Variants in TMC7 observed in about 807,000 individuals in gnomAD.
TMC7 encodes transmembrane channel-like protein 7.
A neutral mutation model predicts 82.9 loss-of-function variants in TMC7; 54 were observed. That is an observed-to-expected ratio of 0.65 (90% CI 0.52 to 0.82). The LOEUF is 0.82. Among genes scored for constraint, TMC7 ranks in the 40% least tolerant of loss-of-function variants. TMC7 has a pLI of 0.00. For synonymous variants in TMC7, 350 were observed against 337.9 expected, an observed-to-expected ratio of 1.04 and a Z score of -0.39; for missense variants, 820 against 901.2, an observed-to-expected ratio of 0.91 and a Z score of 1.15.
At chr16:19,008,049 A>G (rs2039272566) in intron 1 of TMC7, among the ~76,000 whole-genome samples, 1 of 152,198 alleles carries the variant, frequency 6.6e-6, no homozygotes. Flanking sequence ...TGGGGATCCA[A>G]ACTCAAGCAT....
chr16:18,992,963 T>G (rs188335973), intron 1 of TMC7, among the ~76,000 whole-genome samples: 1,564 of 152,240 alleles, frequency 0.01, 16 homozygotes, highest in Non-Finnish European at 0.015. Context: ...CTATATCTCT[T>G]TTTTGGTACC....
chr16:19,003,613 T>C (rs1172464441), intron 1 of TMC7, among the ~76,000 whole-genome samples: 1 of 143,994 alleles, frequency 6.9e-6, no homozygotes, highest in Non-Finnish European at 1.5e-5. Context: ...GGGAAAAGAT[T>C]GAGAAATCGG....
chr16:19,051,612 C>A, intron 12 of TMC7, 74 bp from the exon 13 acceptor site: 1 of 1,526,350 alleles, frequency 6.6e-7, no homozygotes, highest in Non-Finnish European at 9.0e-7. Flanking sequence ...CACTGTAATG[C>A]AGGAATGCAC....
At chr16:19,035,855 T>A in intron 7 of TMC7, 32 bp downstream of exon 7, 1 of 1,537,288 alleles carries the variant, frequency 6.5e-7, no homozygotes, top group South Asian at 1.3e-5. Context: ...CGTGGTGGGG[T>A]CCTCACCAGC....
intron 8 of TMC7, 34 bp from the exon 9 acceptor site, chr16:19,040,255 T>C: frequency 1.3e-6 from 2 of 1,594,066 alleles, no homozygotes; most frequent in Non-Finnish European, 1.7e-6. Flanking sequence ...CTTCCTCATA[T>C]ACTCCTGACT....
At chr16:19,024,555 T>C (rs1037631518) in intron 5 of TMC7, among the ~76,000 whole-genome samples, 1 of 152,218 alleles carries the variant, frequency 6.6e-6, no homozygotes, top group Non-Finnish European at 1.5e-5. Flanking sequence ...ATTCTTTTTT[T>C]TTATTTATTT....
At chr16:19,003,046 G>A (rs2039169173) in intron 1 of TMC7, among the ~76,000 whole-genome samples, 1 of 152,192 alleles carries the variant, frequency 6.6e-6, no homozygotes, top group Non-Finnish European at 1.5e-5. Flanking sequence ...GAAAGCCAGA[G>A]CAGGCCAAGG....
Position 19,023,114 on chromosome 16 carries a change from T to TAAACAATG in TMC7, c.631_638dup (p.Cys213Ter). On this transcript the variant is annotated frameshift_variant and splice_region_variant, in exon 5 of 16. Transcript: ENST00000304381. LOFTEE classifies it high-confidence loss of function. Reference sequence around the variant, plus strand: ...CATTCTGGTTTTTGTTTCTTACAGATAAACAATGTACAGTCTATCCAGTAA... The same window carrying TAAACAATG: ...CATTCTGGTTTTTGTTTCTTACAGATAAACAATGAAACAATGTACAGTCTATCCAGTAA... 1 of 1,592,478 alleles carries TAAACAATG rather than the reference T, an allele frequency of 6.3e-7. No homozygotes were observed. Among genetic ancestry groups the TAAACAATG allele is most frequent in the Non-Finnish European group, 8.6e-7 (1 of 1,164,902 alleles).
chr16:19,013,078 A>G (rs1959465468), intron 2 of TMC7, among the ~76,000 whole-genome samples: 2 of 151,298 alleles, frequency 1.3e-5, no homozygotes, highest in Non-Finnish European at 2.9e-5. Flanking sequence ...TGGCCTCCCA[A>G]AGTGCTGGGA....
intron 6 of TMC7, among the ~76,000 whole-genome samples, chr16:19,031,030 C>G (rs1189484039): frequency 6.6e-6 from 1 of 152,040 alleles, no homozygotes; most frequent in Admixed American, 6.6e-5. Flanking sequence ...GCTCACAGAT[C>G]CAAGGAAGGG....
chr16:19,014,906 A>C (rs1380500466), intron 2 of TMC7, among the ~76,000 whole-genome samples: 1 of 152,064 alleles, frequency 6.6e-6, no homozygotes, highest in Non-Finnish European at 1.5e-5. Context: ...TGTGATTTTC[A>C]TGTGTCACAA....
At position 19,009,199 on chromosome 16, in the gene TMC7, T is replaced by G; in HGVS notation, c.95T>G (p.Phe32Cys). The part of the protein sequence containing the change: ...PENLSLDSSC[F>C]SSPPVNFLQE... Reference sequence around the variant, plus strand: ...AACCTCTCTCTAGACTCCAGTTGCTTCTCTTCTCCACCTGTGAACTTCCTC... The same window carrying G: ...AACCTCTCTCTAGACTCCAGTTGCTGCTCTTCTCCACCTGTGAACTTCCTC... The change falls in exon 2 of 16, where the codon TTC becomes TGC. Residue 32 changes from phenylalanine to cysteine, a missense_variant. Physicochemically the swap from Phe to Cys is radical, Grantham distance 205. Transcript: ENST00000304381. The G allele has an allele frequency of 1.9e-5, 30 of 1,614,152 alleles. No individual in the cohort carries two copies. Among genetic ancestry groups the G allele is most frequent in the Non-Finnish European group, 2.5e-5 (30 of 1,180,032 alleles).
intron 1 of TMC7, among the ~76,000 whole-genome samples, chr16:18,999,833 G>A (rs60899294): frequency 1.3e-5 from 2 of 151,952 alleles, no homozygotes; most frequent in African/African-American, 2.4e-5. Context: ...GCGCGATCTC[G>A]GCTCACTGCA....
chr16:19,013,009 G>A (rs1959460765), intron 2 of TMC7, among the ~76,000 whole-genome samples: 7 of 150,384 alleles, frequency 4.7e-5, no homozygotes, highest in Admixed American at 4.6e-4. Flanking sequence ...TAGAGACAGG[G>A]TTTCACCACG....
At chr16:18,987,420 C>T (rs1387315895) in intron 1 of TMC7, among the ~76,000 whole-genome samples, 1 of 152,114 alleles carries the variant, frequency 6.6e-6, no homozygotes, top group Non-Finnish European at 1.5e-5. Flanking sequence ...AAGCGATTCT[C>T]CTGCCTTAGC....
intron 1 of TMC7, among the ~76,000 whole-genome samples, chr16:19,000,902 C>T (rs942692863): frequency 6.6e-6 from 1 of 152,128 alleles, no homozygotes; most frequent in African/African-American, 2.4e-5. Context: ...CACCTGTAGT[C>T]CCAGCTACTT....
intron 1 of TMC7, among the ~76,000 whole-genome samples, chr16:18,989,481 G>A (rs1453037350): frequency 1.3e-5 from 2 of 149,958 alleles, no homozygotes; most frequent in Non-Finnish European, 3.0e-5. Flanking sequence ...TCTGACCTTT[G>A]TAACAATCTG....
chr16:18,999,732 C>T (rs1021986220), intron 1 of TMC7, among the ~76,000 whole-genome samples: 1 of 151,734 alleles, frequency 6.6e-6, no homozygotes, highest in African/African-American at 2.4e-5. Flanking sequence ...GTCATAGCAG[C>T]TTCAACTAGA....
At chr16:18,992,137 G>T (rs2038962922) in intron 1 of TMC7, among the ~76,000 whole-genome samples, 1 of 152,156 alleles carries the variant, frequency 6.6e-6, no homozygotes, top group Non-Finnish European at 1.5e-5. Flanking sequence ...GGGTCAAATG[G>T]TATTTCTAGT....
Sources: gnomAD v4.1 joint callset for allele counts (sites outside exome capture counted in the v4.1 genomes callset) on GRCh38, gnomAD v4.1.1 for gene constraint, MANE v1.5 for transcripts, NCBI Gene and HGNC (gene_info 2026-07-23, HGNC 2026-07-21) for gene names.